Variants in HTRA2 observed in about 807,000 individuals in gnomAD.
HTRA2 encodes the protein HtrA serine peptidase 2.
In HTRA2, 24 loss-of-function variants were observed where a neutral mutation model predicts 42.2. That is an observed-to-expected ratio of 0.57 (90% CI 0.41 to 0.80). The LOEUF is 0.80. Among genes scored for constraint, HTRA2 ranks in the 30% least tolerant of loss-of-function variants. The probability of loss-of-function intolerance (pLI) is 0.00; values close to 1 mark genes in which losing one functional copy is unlikely to be tolerated. For missense variants in HTRA2, 466 were observed against 613.5 expected, an observed-to-expected ratio of 0.76 and a Z score of 2.54; for synonymous variants, 245 against 255.8, an observed-to-expected ratio of 0.96 and a Z score of 0.40.
chr2:74,532,785 C>G (rs200301764), intron 7 of HTRA2, 35 bp from the exon 8 acceptor site: 2 of 1,613,734 alleles, frequency 1.2e-6, no homozygotes, highest in Admixed American at 1.7e-5. Context: ...AGGCTTTGTA[C>G]TCCTTCCTTT....
Position 74,533,089 on chromosome 2 carries a change from C to A in HTRA2, c.*104C>A. On this transcript the variant is annotated 3_prime_UTR_variant, in exon 8 of 8. Coordinates refer to ENST00000258080, the MANE Select transcript of HTRA2 (RefSeq NM_013247.5). ...AGAGGGTTAAATGAACCAGTGGGGGCAGGTCCCTCCAACCACCAGCACTGA... is the reference window on the plus strand; with the variant it reads ...AGAGGGTTAAATGAACCAGTGGGGGAAGGTCCCTCCAACCACCAGCACTGA... The A allele has an allele frequency of 9.5e-7, 1 of 1,051,112 alleles. No individual in the cohort carries two copies. The highest frequency in any genetic ancestry group is 1.5e-6 in the Non-Finnish European group (1 of 688,626). 65.1% of individuals were successfully genotyped at this position (1,051,112 alleles called of 1,614,324 possible). A position where few individuals can be genotyped will look rare whatever the true frequency, so the allele number is the denominator to read the frequency against.
Position 74,530,448 on chromosome 2 carries a change from A to C in HTRA2, c.442A>C (p.Asn148His), listed in dbSNP as rs1010979891. The C allele has an allele frequency of 6.2e-7, 1 of 1,606,194 alleles. No individual in the cohort carries two copies. Among genetic ancestry groups the C allele is most frequent in the Non-Finnish European group, 8.5e-7 (1 of 1,179,914 alleles). Reference protein sequence around the residue: ...PPPASPRSQYNFIADVVEKTA... With the variant: ...PPPASPRSQYHFIADVVEKTA... ...GCCCGCTTCTCCCCGGAGTCAGTAC[A>C]ACTTCATCGCAGATGTGGTGGAGAA... is the stretch of plus-strand genomic sequence containing the variant. Residue 148 changes from asparagine (N) to histidine (H), a missense_variant, in exon 1 of 8, where the codon AAC becomes CAC. This residue lies in a region of HTRA2 where 222 missense variants were observed against 205.1 expected (regional missense o/e 1.08). Coordinates refer to ENST00000258080, the MANE Select transcript of HTRA2 (RefSeq NM_013247.5). This position sits in a 1 kb window ranked among gnomAD's most constrained non-coding sequence, Gnocchi z 7.4.
At position 74,531,195 on chromosome 2, in the gene HTRA2, C is replaced by A. The variant is rs1675568979; in HGVS notation, c.906+90C>A. On this transcript the variant is annotated intron_variant, in intron 3 of 7. Coordinates refer to ENST00000258080, the MANE Select transcript of HTRA2 (RefSeq NM_013247.5). ...CACCAACTGATATATGGTGGATGAG[C>A]CTATATAGAGCTTAGGCTGCAAAAA... 6.3e-5 allele frequency: 98 copies of A among 1,544,974 alleles called. 2 individuals carry two copies. The South Asian group carries it at 1.0e-3, about 16-fold the overall frequency.
chr2:74,530,803 G>C lies in HTRA2; in HGVS notation c.693G>C (p.Thr231=), dbSNP rs368394504. ...TAVDPVADIA[T]LRIQTKEPLP... ...TGGATCCCGTGGCAGACATCGCAAC[G>C]CTGAGGATTCAGACTAAGGTGGGGG... Residue 231 remains threonine (T), a synonymous_variant, in exon 2 of 8, where the codon ACG becomes ACC. Coordinates refer to ENST00000258080, the MANE Select transcript of HTRA2 (RefSeq NM_013247.5). The surrounding 1 kb of genome is among the most constrained non-coding windows in gnomAD (Gnocchi z 7.4). 1.2e-6 allele frequency: 2 copies of C among 1,614,196 alleles called. No homozygotes were observed. Among genetic ancestry groups the C allele is most frequent in the East Asian group, 2.2e-5 (1 of 44,880 alleles).
upstream of HTRA2, chr2:74,529,407 T>C: frequency 1.3e-6 from 2 of 1,599,940 alleles, no homozygotes; most frequent in Non-Finnish European, 1.7e-6. Context: ...CAGGAAGACG[T>C]GGATCCCGAG....
rs1309621874 is a variant in HTRA2 at position 74,532,720 on chromosome 2, G to A, written c.1211+6G>A. The A allele has an allele frequency of 1.9e-6, 3 of 1,613,216 alleles. No individual in the cohort carries two copies. Among genetic ancestry groups the A allele is most frequent in the Non-Finnish European group, 2.5e-6 (3 of 1,179,452 alleles). On this transcript the variant is annotated splice_donor_region_variant and intron_variant, in intron 7 of 7. Coordinates refer to ENST00000258080, the MANE Select transcript of HTRA2 (RefSeq NM_013247.5). ...CTGGGCTCCCCTGCACACCGGTGAG[G>A]GAGAGGCTGCAGTGTGATATGGGGA...
Position 74,533,166 on chromosome 2 carries a change from T to C in HTRA2, c.*181T>C, listed in dbSNP as rs1013680734. On this transcript the variant is annotated 3_prime_UTR_variant, in exon 8 of 8. Transcript: ENST00000258080. The stretch of plus-strand genomic sequence containing the variant: ...ACACTTTTTATATAAAATAAAATTA[T>C]ACCTAGCAACATATTATAGTAAAAA... 1.6e-5 allele frequency: 10 copies of C among 615,208 alleles called. No individual in the cohort carries two copies. The highest frequency in any genetic ancestry group is 1.5e-4 in the African/African-American group (8 of 53,994). The allele number at this position is 615,208 out of a possible 1,614,324, so 38.1% of individuals were successfully genotyped here. A position where few individuals can be genotyped will look rare whatever the true frequency, so the allele number is the denominator to read the frequency against.
In HTRA2 at chr2:74,532,641, C is replaced by CG. The variant is rs1558613537; in HGVS notation, c.1139dup (p.Glu381ArgfsTer15). ...CAGCATCCTTGCTGAACTACAGCTT[C>CG]GAGAACCAAGCTTTCCCGATGTTCA... On this transcript the variant is annotated frameshift_variant, in exon 7 of 8. Transcript: ENST00000258080. LOFTEE classifies it high-confidence loss of function. 6.2e-7 allele frequency: 1 copy of CG among 1,613,560 alleles called. No homozygotes were observed.
chr2:74,532,261 C>A (rs908219548), intron 6 of HTRA2, among the ~76,000 whole-genome samples: 1 of 152,200 alleles, frequency 6.6e-6, no homozygotes, highest in Non-Finnish European at 1.5e-5. Context: ...AACCTGATTT[C>A]CTACTCCCAT....
Position 74,532,614 on chromosome 2 carries a change from T to G in HTRA2, c.1116-5T>G. ...TGGCTAATAGGGTGATCTGTGTACTTTCAGCATCCTTGCTGAACTACAGCT... is the reference window on the plus strand; with the variant it reads ...TGGCTAATAGGGTGATCTGTGTACTGTCAGCATCCTTGCTGAACTACAGCT... On this transcript the variant is annotated splice_polypyrimidine_tract_variant and splice_region_variant and intron_variant, in intron 6 of 7. Coordinates refer to ENST00000258080, the MANE Select transcript of HTRA2 (RefSeq NM_013247.5). The G allele has an allele frequency of 6.2e-7, 1 of 1,613,014 alleles. No homozygotes were observed.
chr2:74,529,777 C>G, upstream of HTRA2: 1 of 1,457,132 alleles, frequency 6.9e-7, no homozygotes, highest in Non-Finnish European at 9.0e-7. Flanking sequence ...GCTAGCGGTC[C>G]CAGCATACCC....
At chr2:74,532,760 A>ATG in intron 7 of HTRA2, 46 bp downstream of exon 7, 1 of 1,612,526 alleles carries the variant, frequency 6.2e-7, no homozygotes, top group African/African-American at 1.3e-5. Context: ...CAAGGTGTGC[A>ATG]TGTGTCCTTG....
chr2:74,529,727 C>G (rs779771293), upstream of HTRA2: 39 of 1,525,030 alleles, frequency 2.6e-5, 1 homozygote, highest in South Asian at 4.5e-4. Context: ...GGCATCCGCC[C>G]GGGGTGAGGG....
chr2:74,530,876 C>T lies in HTRA2; in HGVS notation c.712-35C>T. 3 of 1,614,148 alleles carry T rather than the reference C, an allele frequency of 1.9e-6. No homozygotes were observed. The highest frequency in any genetic ancestry group is 2.5e-6 in the Non-Finnish European group (3 of 1,180,018). Reference sequence around the variant, plus strand: ...GGAGCTGCTTATTTGCTCGCATCTTCAGATGACAGGTCTCTTTTACCCATT... The same window carrying T: ...GGAGCTGCTTATTTGCTCGCATCTTTAGATGACAGGTCTCTTTTACCCATT... On this transcript the variant is annotated intron_variant, in intron 2 of 7. Coordinates refer to ENST00000258080, the MANE Select transcript of HTRA2 (RefSeq NM_013247.5). This position sits in a 1 kb window ranked among gnomAD's most constrained non-coding sequence, Gnocchi z 7.4.
chr2:74,533,487 A>T, downstream of HTRA2: 5 of 803,822 alleles, frequency 6.2e-6, no homozygotes, highest in Non-Finnish European at 1.0e-5. Context: ...CCACATCCAT[A>T]GTGCATGGTC....
chr2:74,532,729 G>A lies in HTRA2; in HGVS notation c.1211+15G>A, dbSNP rs1367291930. The A allele has an allele frequency of 6.2e-6, 10 of 1,612,660 alleles. No homozygotes were observed. The highest frequency in any genetic ancestry group is 8.5e-6 in the Non-Finnish European group (10 of 1,178,734). ...CCTGCACACCGGTGAGGGAGAGGCT[G>A]CAGTGTGATATGGGGATGGGCAAGG... On this transcript the variant is annotated intron_variant, in intron 7 of 7. Transcript: ENST00000258080.
chr2:74,533,494 G>A, downstream of HTRA2: 4 of 877,522 alleles, frequency 4.6e-6, no homozygotes, highest in South Asian at 6.0e-5. Flanking sequence ...CATAGTGCAT[G>A]GTCTGATGAG....
At chr2:74,529,927 C>T, upstream of HTRA2, 2 of 1,483,242 alleles carry the variant, frequency 1.3e-6, no homozygotes, top group South Asian at 2.7e-5. Context: ...CGGCGTGCCC[C>T]GCGTCCTACT....
chr2:74,532,750 C>T (rs1675707482), intron 7 of HTRA2, 36 bp downstream of exon 7: 2 of 1,611,316 alleles, frequency 1.2e-6, no homozygotes, highest in African/African-American at 2.7e-5. Context: ...TGGGGATGGG[C>T]AAGGTGTGCA....
Sources: gnomAD v4.1 joint callset for allele counts (sites outside exome capture counted in the v4.1 genomes callset) on GRCh38, gnomAD v4.1.1 for gene constraint, gnomAD v4.1.1 regional missense constraint, Gnocchi (gnomAD v3.1) non-coding constraint, MANE v1.5 for transcripts, NCBI Gene and HGNC (gene_info 2026-07-23, HGNC 2026-07-21) for gene names.